CCDC175: variants seen among roughly 807,000 people sequenced by gnomAD.
CCDC175 encodes coiled-coil domain containing 175, also known as coiled-coil domain-containing protein 175.
CCDC175 carries 100 observed loss-of-function variants against 114.6 expected under a neutral mutation model. The ratio of observed to expected loss-of-function variants is 0.87; its 90% CI spans 0.74 to 1.03. CCDC175 has a LOEUF of 1.03. Among genes scored for constraint, CCDC175 ranks in the 50% least tolerant of loss-of-function variants. CCDC175 has a pLI of 0.00. For missense variants in CCDC175, 880 were observed against 917.8 expected (o/e 0.96, Z 0.53); for synonymous variants, 306 against 308.7 (o/e 0.99, Z 0.09).
chr14:59,510,783 G>A lies in CCDC175; in HGVS notation c.2168C>T (p.Thr723Ile). The change falls in exon 19 of 20, where the codon ACC (threonine) becomes ATC (isoleucine). Residue 723 changes from threonine to isoleucine, a missense_variant. Thr to Ile is a moderately conservative substitution (Grantham distance 89). Coordinates refer to ENST00000537690, the MANE Select transcript of CCDC175 (RefSeq NM_001164399.2). ...TGTTAGATTGTTTATGTCTTGCAAG[G>A]TCTCTTCACCATTGTCCACCAAGAT... ...VKILVDNGEE[T>I]LQDINNLTDK... The A allele has an allele frequency of 6.5e-7, 1 of 1,537,104 alleles. No individual in the cohort carries two copies. The highest frequency in any genetic ancestry group is 8.7e-7 in the Non-Finnish European group (1 of 1,146,832).
At chr14:59,517,616 A>T (rs1893176905) in intron 17 of CCDC175, among the ~76,000 whole-genome samples, 1 of 152,210 alleles carries the variant, frequency 6.6e-6, no homozygotes, top group Non-Finnish European at 1.5e-5. Context: ...CTTACAAGAG[A>T]TGTGAAGGAC....
Position 59,548,974 on chromosome 14 carries a change from A to G in CCDC175, c.1035+2381T>C, listed in dbSNP as rs184086001. On this transcript the variant is annotated intron_variant, in intron 8 of 19. Transcript: ENST00000537690. ...GTGGTATCCTACAGCAAGAAGATAGATGAGGAACTGTGAGAGAAAGAAAAG... is the reference window on the plus strand; with the variant it reads ...GTGGTATCCTACAGCAAGAAGATAGGTGAGGAACTGTGAGAGAAAGAAAAG... Among the ~76,000 whole-genome samples the G allele has an allele frequency of 4.5e-4, 69 of 152,338 alleles. 1 individual carries two copies. The highest frequency in any genetic ancestry group is 1.4e-3 in the African/African-American group (60 of 41,592).
Position 59,543,352 on chromosome 14 carries a change from T to A in CCDC175, c.1275A>T (p.Glu425Asp), listed in dbSNP as rs1291181698. 1 of 1,326,154 alleles carries A rather than the reference T, an allele frequency of 7.5e-7. No individual in the cohort carries two copies. Among genetic ancestry groups the A allele is most frequent in the East Asian group, 2.7e-5 (1 of 37,724 alleles). 82.1% of individuals were successfully genotyped at this position (1,326,154 alleles called of 1,614,324 possible). The change falls in exon 10 of 20, where the codon GAA becomes GAT. Residue 425 changes from glutamate to aspartate, a missense_variant. By Grantham distance (45) the Glu-to-Asp change is conservative (BLOSUM62 2). Coordinates refer to ENST00000537690, the MANE Select transcript of CCDC175 (RefSeq NM_001164399.2). ...NMEEGLITLQ[E>D]LQQATKTVYQ... ...AAAGGCAACAAACATACTGTTGAAGTTCCTGGAGTGTGATGAGTCCTTCTT... is the reference window on the plus strand; with the variant it reads ...AAAGGCAACAAACATACTGTTGAAGATCCTGGAGTGTGATGAGTCCTTCTT...
At chr14:59,542,418 A>C (rs935837366) in intron 10 of CCDC175, among the ~76,000 whole-genome samples, 4 of 152,152 alleles carry the variant, frequency 2.6e-5, no homozygotes, top group Non-Finnish European at 4.4e-5. Flanking sequence ...ATCATTATAA[A>C]AGTGAAAAAT....
At chr14:59,521,504 A>G in intron 17 of CCDC175, 70 bp downstream of exon 17, 1 of 809,148 alleles carries the variant, frequency 1.2e-6, no homozygotes, top group South Asian at 1.6e-5. Flanking sequence ...CCTTTCATAT[A>G]TACATATATC....
intron 19 of CCDC175, among the ~76,000 whole-genome samples, chr14:59,507,453 C>T (rs539420263): frequency 6.6e-6 from 1 of 152,328 alleles, no homozygotes; most frequent in South Asian, 2.1e-4. Context: ...CTCCAAAGTG[C>T]CCAATGTTAA....
chr14:59,518,014 C>T (rs533148674), intron 17 of CCDC175, among the ~76,000 whole-genome samples: 1 of 152,100 alleles, frequency 6.6e-6, no homozygotes, highest in Non-Finnish European at 1.5e-5. Flanking sequence ...AGAAATAATG[C>T]CGCATATCTA....
intron 4 of CCDC175, among the ~76,000 whole-genome samples, chr14:59,565,516 G>C (rs1259334323): frequency 2.0e-5 from 3 of 152,158 alleles, no homozygotes; most frequent in African/African-American, 7.2e-5. Flanking sequence ...ATTGCAGCCT[G>C]GCCAACATGG....
At position 59,565,131 on chromosome 14, in the gene CCDC175, T is replaced by C; in HGVS notation, c.636A>G (p.Gln212=). The C allele has an allele frequency of 6.5e-7, 1 of 1,537,922 alleles. No homozygotes were observed. The highest frequency in any genetic ancestry group is 2.4e-5 in the East Asian group (1 of 40,928). The change falls in exon 5 of 20, where the codon CAA becomes CAG. Residue 212 remains glutamine, a synonymous_variant. Transcript: ENST00000537690. ...CCTCTGCCTCTTGAATACATTTTTTTTGCAATGCTATGTCTTCTCTCTTCA... is the reference window on the plus strand; with the variant it reads ...CCTCTGCCTCTTGAATACATTTTTTCTGCAATGCTATGTCTTCTCTCTTCA... ...INLKREDIAL[Q]KKCIQEAEEL... is the part of the protein sequence containing the mutation.
At chr14:59,516,056 C>T (rs1893062948) in intron 17 of CCDC175, among the ~76,000 whole-genome samples, 1 of 152,316 alleles carries the variant, frequency 6.6e-6, no homozygotes, top group Non-Finnish European at 1.5e-5. Flanking sequence ...ACAACCTGCT[C>T]CTGAATGACT....
intron 8 of CCDC175, among the ~76,000 whole-genome samples, chr14:59,549,081 TC>T (rs143993759): frequency 0.012 from 1,877 of 152,336 alleles, 32 homozygotes; most frequent in African/African-American, 0.043. Flanking sequence ...TTGCAATAGA[TC>T]ATGAAATGCT....
At chr14:59,536,230 C>A (rs1332597490) in intron 13 of CCDC175, among the ~76,000 whole-genome samples, 2 of 152,024 alleles carry the variant, frequency 1.3e-5, no homozygotes, top group African/African-American at 2.4e-5. Flanking sequence ...CTGCCTCAGG[C>A]CCTTCCTGCC....
intron 5 of CCDC175, chr14:59,564,227 C>G (rs181512485): frequency 6.5e-6 from 1 of 153,546 alleles, no homozygotes; most frequent in African/African-American, 2.4e-5. Context: ...CAAGAAGAGT[C>G]GAAGGAAGGA....
At chr14:59,513,201 C>T (rs903455355) in intron 17 of CCDC175, among the ~76,000 whole-genome samples, 3 of 152,084 alleles carry the variant, frequency 2.0e-5, no homozygotes, top group Admixed American at 1.3e-4. Context: ...CCAAGATGGC[C>T]GAATAGGAAC....
At chr14:59,520,807 T>A (rs1893389088) in intron 17 of CCDC175, among the ~76,000 whole-genome samples, 1 of 152,112 alleles carries the variant, frequency 6.6e-6, no homozygotes, top group Non-Finnish European at 1.5e-5. Flanking sequence ...AGAAAGCAGA[T>A]CAATGGTTTC....
chr14:59,518,113 G>A (rs1218891968), intron 17 of CCDC175, among the ~76,000 whole-genome samples: 1 of 152,186 alleles, frequency 6.6e-6, no homozygotes, highest in East Asian at 1.9e-4. Context: ...AAACTGGCTA[G>A]CCATATGGAG....
At chr14:59,547,291 A>C (rs1242808821) in intron 8 of CCDC175, among the ~76,000 whole-genome samples, 39 of 152,254 alleles carry the variant, frequency 2.6e-4, no homozygotes, top group Admixed American at 2.6e-3. Context: ...CAATACTGTG[A>C]AAATGTGAAA....
chr14:59,535,696 T>C (rs8013145), intron 13 of CCDC175, among the ~76,000 whole-genome samples: 67,404 of 152,054 alleles, frequency 0.44, 15,360 homozygotes, highest in African/African-American at 0.54. Flanking sequence ...TTATTTCAGC[T>C]CTCCACTCAG....
rs1338854821 is a variant in CCDC175, at chr14:59,543,417, A to C, written c.1210T>G (p.Tyr404Asp). ...KQLTFISQKE[Y>D]FLSQKRVDIK... ...TCTACTCTCTTTTGTGACAGAAAGTATTCTTTCTGAGAAATAAATGTCAGC... is the reference window on the plus strand; with the variant it reads ...TCTACTCTCTTTTGTGACAGAAAGTCTTCTTTCTGAGAAATAAATGTCAGC... Residue 404 changes from tyrosine to aspartate, a missense_variant, in exon 10 of 20, where the codon TAC becomes GAC. Tyr to Asp is a radical substitution (Grantham distance 160, BLOSUM62 -3). Coordinates refer to ENST00000537690, the MANE Select transcript of CCDC175 (RefSeq NM_001164399.2). 1 of 1,467,074 alleles carries C rather than the reference A, an allele frequency of 6.8e-7. No individual in the cohort carries two copies. The highest frequency in any genetic ancestry group is 1.4e-5 in the African/African-American group (1 of 70,820). 90.9% of individuals were successfully genotyped at this position (1,467,074 alleles called of 1,614,324 possible).
Sources: allele counts gnomAD v4.1 joint callset (sites outside exome capture counted in the v4.1 genomes callset), GRCh38; gene constraint gnomAD v4.1.1; transcripts MANE v1.5; gene names NCBI Gene and HGNC (gene_info 2026-07-23, HGNC 2026-07-21).